Variants in AKAP6 observed in about 807,000 individuals in gnomAD.
AKAP6 encodes A-kinase anchor protein 6.
A neutral mutation model predicts 188.5 loss-of-function variants in AKAP6; 58 were observed. The observed-to-expected ratio is 0.31, with a 90% CI of 0.25 to 0.38. AKAP6 has a LOEUF of 0.38. Ranked by LOEUF, AKAP6 falls within the 10% of genes least tolerant of loss-of-function variation. AKAP6 has a pLI of 1.00. For synonymous variants in AKAP6, 989 were observed against 998.6 expected (o/e 0.99, Z 0.18); for missense variants, 2,710 against 2,740.0 (o/e 0.99, Z 0.24).
intron 1 of AKAP6, among the ~76,000 whole-genome samples, chr14:32,351,822 G>T (rs1164922564): frequency 6.6e-6 from 1 of 151,970 alleles, no homozygotes; most frequent in African/African-American, 2.4e-5. Flanking sequence ...GCATTCCTTT[G>T]CTCTGGCTCA....
intron 9 of AKAP6, among the ~76,000 whole-genome samples, chr14:32,700,411 T>C (rs1890574173): frequency 6.6e-6 from 1 of 152,162 alleles, no homozygotes; most frequent in East Asian, 1.9e-4. Flanking sequence ...TTTCAGATAG[T>C]ATGAAGCTCA....
rs1348814194 is a variant in AKAP6, at chr14:32,485,071, T to A, written c.325-50483T>A. ...AAGGGCTTAGCTTAATTAAAGTGGC[T>A]GATTTGCGTTCAGTTGATGCAGAGT... On this transcript the variant is annotated intron_variant, in intron 2 of 13. Coordinates refer to ENST00000280979, the MANE Select transcript of AKAP6 (RefSeq NM_004274.5). Among the ~76,000 whole-genome samples, 2 of 75,526 alleles carry A rather than the reference T, an allele frequency of 2.6e-5. 1 individual carries two copies. Among genetic ancestry groups the A allele is most frequent in the Non-Finnish European group, 4.4e-5 (2 of 45,780 alleles). The allele number at this position is 75,526 out of a possible 152,430, so 49.5% of individuals were successfully genotyped here. A position where few individuals can be genotyped will look rare whatever the true frequency, so the allele number is the denominator to read the frequency against.
At chr14:32,354,685 T>C (rs1887418774) in intron 1 of AKAP6, among the ~76,000 whole-genome samples, 1 of 152,374 alleles carries the variant, frequency 6.6e-6, no homozygotes, top group South Asian at 2.1e-4. Flanking sequence ...TTTTTCTTTC[T>C]CATAATCAAG....
chr14:32,368,953 G>C (rs1257568116), intron 1 of AKAP6, among the ~76,000 whole-genome samples: 2 of 152,216 alleles, frequency 1.3e-5, no homozygotes, highest in South Asian at 4.2e-4. Context: ...GTGTTAAGTG[G>C]GGGAGTGATG....
At chr14:32,558,791 A>T (rs1192082047) in intron 4 of AKAP6, among the ~76,000 whole-genome samples, 1 of 152,146 alleles carries the variant, frequency 6.6e-6, no homozygotes, top group African/African-American at 2.4e-5. Context: ...CCATGTCTGC[A>T]TTCCAGCTCA....
intron 12 of AKAP6, among the ~76,000 whole-genome samples, chr14:32,805,226 T>G (rs1055838494): frequency 6.6e-6 from 1 of 152,204 alleles, no homozygotes; most frequent in African/African-American, 2.4e-5. Context: ...GGCTCCTGCC[T>G]GGTCCCTCTG....
intron 2 of AKAP6, among the ~76,000 whole-genome samples, chr14:32,493,198 CTTTG>C (rs948425100): frequency 1.2e-4 from 18 of 151,864 alleles, no homozygotes; most frequent in South Asian, 1.0e-3. Context: ...AAGGCACACT[CTTTG>C]TTTGTTTGTT....
At chr14:32,677,258 G>A (rs192254252) in intron 7 of AKAP6, among the ~76,000 whole-genome samples, 121 of 152,296 alleles carry the variant, frequency 7.9e-4, no homozygotes, top group African/African-American at 2.8e-3. Flanking sequence ...CAGGCAAAAG[G>A]CCTTGGTCAG....
intron 9 of AKAP6, chr14:32,718,259 CA>C (rs963221816): frequency 4.9e-5 from 48 of 982,788 alleles, no homozygotes; most frequent in Admixed American, 1.9e-4. Context: ...AGGAGAACAG[CA>C]AAAAAAAGAA....
intron 2 of AKAP6, among the ~76,000 whole-genome samples, chr14:32,444,721 A>G (rs1442167022): frequency 8.3e-6 from 1 of 119,812 alleles, no homozygotes; most frequent in Non-Finnish European, 1.7e-5. Context: ...GCCTTTGGCA[A>G]ATTATGAAGA....
chr14:32,590,651 T>C (rs892362927), intron 5 of AKAP6, among the ~76,000 whole-genome samples: 11 of 152,154 alleles, frequency 7.2e-5, no homozygotes, highest in African/African-American at 2.7e-4. Flanking sequence ...TTTCTAGGTA[T>C]TGTTTGGTAT....
At chr14:32,330,713 ATTTTTTTTTT>A (rs35147196) in intron 1 of AKAP6, among the ~76,000 whole-genome samples, 7 of 62,360 alleles carry the variant, frequency 1.1e-4, no homozygotes, top group Non-Finnish European at 1.7e-4. Flanking sequence ...GCTTGGAGTG[ATTTTTTTTTT>A]TTTTTTTTTT....
chr14:32,514,610 C>T (rs538648093), intron 2 of AKAP6, among the ~76,000 whole-genome samples: 6 of 152,228 alleles, frequency 3.9e-5, no homozygotes, highest in South Asian at 2.1e-4. Context: ...TACCTTGAAA[C>T]GCTCCAGAAT....
At chr14:32,372,861 G>A (rs888388052) in intron 1 of AKAP6, among the ~76,000 whole-genome samples, 8 of 151,706 alleles carry the variant, frequency 5.3e-5, no homozygotes, top group African/African-American at 1.2e-4. Flanking sequence ...GAAAGAGAGC[G>A]AGCGAGCATT....
chr14:32,468,326 G>A (rs1184913074), intron 2 of AKAP6, among the ~76,000 whole-genome samples: 1 of 152,180 alleles, frequency 6.6e-6, no homozygotes. Flanking sequence ...CTTTTGAGTT[G>A]TGGGACTTAG....
chr14:32,661,956 A>G (rs1888716987), intron 7 of AKAP6, among the ~76,000 whole-genome samples: 1 of 152,088 alleles, frequency 6.6e-6, no homozygotes, highest in Admixed American at 6.6e-5. Context: ...ATATCCTATT[A>G]CCAAGTGATT....
intron 2 of AKAP6, among the ~76,000 whole-genome samples, chr14:32,519,531 G>A (rs755718924): frequency 6.6e-6 from 1 of 151,924 alleles, no homozygotes; most frequent in African/African-American, 2.4e-5. Context: ...CAAAAAAAAA[G>A]CAGGGGTTGC....
intron 5 of AKAP6, among the ~76,000 whole-genome samples, chr14:32,582,315 T>C (rs1262789055): frequency 6.6e-6 from 1 of 152,196 alleles, no homozygotes; most frequent in African/African-American, 2.4e-5. Context: ...GAATGTTGAA[T>C]ATTGGCCCCC....
At chr14:32,417,173 A>C (rs1889686111) in intron 1 of AKAP6, among the ~76,000 whole-genome samples, 1 of 152,174 alleles carries the variant, frequency 6.6e-6, no homozygotes, top group South Asian at 2.1e-4. Context: ...TGACTGCTTC[A>C]CAGTCTGAAT....
Sources: allele counts gnomAD v4.1 joint callset (sites outside exome capture counted in the v4.1 genomes callset), GRCh38; gene constraint gnomAD v4.1.1; transcripts MANE v1.5; gene names NCBI Gene and HGNC (gene_info 2026-07-23, HGNC 2026-07-21).